DAB1: variants seen among roughly 807,000 people sequenced by gnomAD.
DAB1 encodes DAB adaptor protein 1.
Under a neutral mutation model 64.6 loss-of-function variants are expected in DAB1, and 15 were observed. The ratio of observed to expected loss-of-function variants is 0.23; its 90% confidence interval spans 0.16 to 0.36. DAB1 has a LOEUF of 0.36. Among genes scored for constraint, DAB1 ranks in the 10% least tolerant of loss-of-function variants. The pLI, the probability that DAB1 is intolerant of heterozygous loss-of-function variation, is 1.00. For missense variants in DAB1, 596 were observed against 706.7 expected, an observed-to-expected ratio of 0.84 and a Z score of 1.78; for synonymous variants, 235 against 251.9, an observed-to-expected ratio of 0.93 and a Z score of 0.64.
At position 57,183,939 on chromosome 1, in the gene DAB1, A is replaced by G. The variant is rs558384697; in HGVS notation, c.68-38510T>C. 3.3e-5 allele frequency among the ~76,000 whole-genome samples: 5 copies of G among 152,328 alleles called. No homozygotes were observed. In the East Asian group the frequency reaches 9.7e-4, roughly 29 times the overall value. The stretch of plus-strand genomic sequence containing the variant: ...CCATTAGCTCAAGCCAGAAAAGGAC[A>G]TAGAGGATATCAGTAGACAAGATTG... On this transcript the variant is annotated intron_variant, in intron 2 of 14. Coordinates refer to ENST00000371236, the MANE Select transcript of DAB1 (RefSeq NM_001365792.1).
intron 9 of DAB1, among the ~76,000 whole-genome samples, chr1:57,056,504 CAAAAAAA>C (rs71051216): frequency 1.1e-5 from 1 of 87,030 alleles, no homozygotes; most frequent in Non-Finnish European, 2.2e-5. Flanking sequence ...GAGCCTGTCT[CAAAAAAA>C]AAAAAAAAAG....
At chr1:57,239,514 A>G (rs1233679743) in intron 2 of DAB1, among the ~76,000 whole-genome samples, 2 of 152,146 alleles carry the variant, frequency 1.3e-5, no homozygotes, top group Non-Finnish European at 2.9e-5. Context: ...GATTTAGGCA[A>G]TGGGGAGTGT....
Position 57,714,848 on chromosome 1 carries a change from T to C in DAB1, n.552-65183A>G, listed in dbSNP as rs193193498. On this transcript the variant is annotated intron_variant and non_coding_transcript_variant, in intron 6 of 20. Transcript: ENST00000485760. ...CTGAGTCATGGTGTAAAGGTATGAT[T>C]GGGAAAAGGTGTTGGGGGCTGGGGA... 5.4e-3 allele frequency among the ~76,000 whole-genome samples: 823 copies of C among 152,164 alleles called. 4 individuals are homozygous for C. The highest frequency in any genetic ancestry group is 8.9e-3 in the Non-Finnish European group (602 of 67,994).
intron 7 of DAB1, among the ~76,000 whole-genome samples, chr1:57,538,154 G>A (rs1644753518): frequency 6.6e-6 from 1 of 152,068 alleles, no homozygotes. Flanking sequence ...GTGACCTAAG[G>A]CTTATGGCTG....
intron 5 of DAB1, among the ~76,000 whole-genome samples, chr1:57,978,166 C>T (rs754278883): frequency 5.3e-5 from 8 of 152,154 alleles, no homozygotes; most frequent in Non-Finnish European, 8.8e-5. Flanking sequence ...CTTCAAACTA[C>T]ACTACAAGGC....
intron 1 of DAB1, among the ~76,000 whole-genome samples, chr1:57,829,245 G>C (rs1652484422): frequency 6.6e-6 from 1 of 152,112 alleles, no homozygotes; most frequent in Non-Finnish European, 1.5e-5. Context: ...ACTAACAATT[G>C]TATTAAAAAT....
intron 2 of DAB1, among the ~76,000 whole-genome samples, chr1:57,240,546 G>A (rs1668423402): frequency 6.6e-6 from 1 of 152,180 alleles, no homozygotes; most frequent in Non-Finnish European, 1.5e-5. Flanking sequence ...CCAAGGCTCA[G>A]AAAATATTAA....
intron 7 of DAB1, among the ~76,000 whole-genome samples, chr1:57,531,380 T>C (rs1331660843): frequency 1.3e-5 from 2 of 152,124 alleles, no homozygotes; most frequent in African/African-American, 4.8e-5. Context: ...TCTTCCTTGC[T>C]GACTCTCTTT....
intron 5 of DAB1, among the ~76,000 whole-genome samples, chr1:57,991,625 A>G (rs189078593): frequency 4.6e-5 from 7 of 152,194 alleles, no homozygotes; most frequent in Admixed American, 4.6e-4. Flanking sequence ...AGACGGGTGG[A>G]TCACTTGAAG....
chr1:57,354,475 T>A (rs1678896276), intron 1 of DAB1, among the ~76,000 whole-genome samples: 1 of 152,094 alleles, frequency 6.6e-6, no homozygotes, highest in Non-Finnish European at 1.5e-5. Context: ...ATTGCCAGAC[T>A]CAGTTAGGGA....
intron 6 of DAB1, among the ~76,000 whole-genome samples, chr1:57,783,097 CTCTCT>C (rs1433230422): frequency 1.9e-5 from 2 of 104,604 alleles, no homozygotes; most frequent in Non-Finnish European, 3.8e-5. Flanking sequence ...CTCTCTCTCT[CTCTCT>C]TTTCTTTTTT....
intron 6 of DAB1, among the ~76,000 whole-genome samples, chr1:57,761,957 G>A (rs1649108221): frequency 6.6e-6 from 1 of 152,178 alleles, no homozygotes; most frequent in Admixed American, 6.5e-5. Flanking sequence ...AGTGATTTCT[G>A]TACCCACCGT....
intron 1 of DAB1, among the ~76,000 whole-genome samples, chr1:57,832,077 C>T (rs1229993731): frequency 6.6e-6 from 1 of 152,142 alleles, no homozygotes; most frequent in Non-Finnish European, 1.5e-5. Flanking sequence ...CATATGTACA[C>T]GTACAATTAA....
chr1:58,207,108 T>C (rs1413324013), intron 4 of DAB1, among the ~76,000 whole-genome samples: 5 of 152,324 alleles, frequency 3.3e-5, no homozygotes, highest in African/African-American at 9.6e-5. Context: ...CCAGTCAAGA[T>C]GAGAAAACTC....
At chr1:57,092,407 G>A (rs552221071) in intron 4 of DAB1, among the ~76,000 whole-genome samples, 1 of 152,116 alleles carries the variant, frequency 6.6e-6, no homozygotes, top group East Asian at 1.9e-4. Context: ...TCATGGGGGT[G>A]GTTATCCCCC....
intron 3 of DAB1, among the ~76,000 whole-genome samples, chr1:58,388,821 T>C (rs1011423377): frequency 1.3e-5 from 2 of 152,168 alleles, no homozygotes; most frequent in Non-Finnish European, 2.9e-5. Context: ...TATAGCACAA[T>C]AGGAAGAGAC....
intron 2 of DAB1, among the ~76,000 whole-genome samples, chr1:57,284,298 T>C (rs1672138846): frequency 6.6e-6 from 1 of 152,154 alleles, no homozygotes; most frequent in African/African-American, 2.4e-5. Flanking sequence ...CACAGTTCTT[T>C]AACTACAGCG....
intron 7 of DAB1, among the ~76,000 whole-genome samples, chr1:57,520,937 C>T (rs4529731): frequency 0.07 from 10,635 of 151,872 alleles, 1,157 homozygotes; most frequent in African/African-American, 0.23. Context: ...ATTGGGAAGA[C>T]GTGTGGCCAT....
intron 4 of DAB1, among the ~76,000 whole-genome samples, chr1:58,205,480 G>A (rs915264270): frequency 1.2e-4 from 19 of 152,174 alleles, no homozygotes; most frequent in Non-Finnish European, 2.2e-4. Flanking sequence ...TAGTGTTCAA[G>A]GTCTTCTCAC....
Sources: gnomAD v4.1 joint callset for allele counts (sites outside exome capture counted in the v4.1 genomes callset) on GRCh38, gnomAD v4.1.1 for gene constraint, MANE v1.5 for transcripts, NCBI Gene and HGNC (gene_info 2026-07-23, HGNC 2026-07-21) for gene names.